DOCK10: variants seen among roughly 807,000 people sequenced by gnomAD.
The protein encoded by DOCK10 is dedicator of cytokinesis 10, also known as dedicator of cytokinesis protein 10.
A neutral mutation model predicts 280.1 loss-of-function variants in DOCK10; 145 were observed. The observed-to-expected ratio is 0.52, with a 90% CI of 0.45 to 0.59. The LOEUF is 0.59. Ranked by LOEUF, DOCK10 falls within the 20% of genes least tolerant of loss-of-function variation. The pLI is 0.00. For synonymous variants in DOCK10, 915 were observed against 942.2 expected (o/e 0.97, Z 0.53); for missense variants, 2,368 against 2,651.7 (o/e 0.89, Z 2.35).
Position 224,853,059 on chromosome 2 carries a change from G to A in DOCK10, c.1952C>T (p.Thr651Ile), listed in dbSNP as rs139212152. ...GTAAACAAATTCTTCCACCTCCACT[G>A]TGGGTTCTGTTTGAGCCATCATGTT... Reference protein sequence around the residue: ...PFNMMAQTEPTVEVEEFVYDS... With the variant: ...PFNMMAQTEPIVEVEEFVYDS... The change falls in exon 17 of 56, where the codon ACA becomes ATA. Residue 651 changes from threonine to isoleucine, a missense_variant. Physicochemically the swap from Thr to Ile is moderately conservative, Grantham distance 89. Around this residue, in one of 2 missense-constraint regions of DOCK10, gnomAD observed 1,209 missense variants for 1,250.9 expected, o/e 0.97. Transcript: ENST00000258390. The A allele has an allele frequency of 3.7e-6, 6 of 1,610,898 alleles. No homozygotes were observed. The African/African-American group carries it at 6.7e-5, about 18-fold the overall frequency.
intron 1 of DOCK10, among the ~76,000 whole-genome samples, chr2:224,973,400 C>A (rs1575135891): frequency 6.6e-6 from 1 of 152,080 alleles, no homozygotes; most frequent in East Asian, 1.9e-4. Context: ...TCACAGGGGT[C>A]CTTACGAGTG....
intron 3 of DOCK10, among the ~76,000 whole-genome samples, chr2:224,912,872 A>G (rs12995931): frequency 0.24 from 36,877 of 151,930 alleles, 5,042 homozygotes; most frequent in South Asian, 0.33. Context: ...CTAAAAATAC[A>G]AAAGTTAGCC....
At chr2:224,887,718 C>T (rs1261940328) in intron 4 of DOCK10, among the ~76,000 whole-genome samples, 1 of 152,136 alleles carries the variant, frequency 6.6e-6, no homozygotes, top group Non-Finnish European at 1.5e-5. Flanking sequence ...GGGAGGGATA[C>T]ATGTAGATAG....
chr2:225,024,905 A>G (rs1218623986), intron 1 of DOCK10, among the ~76,000 whole-genome samples: 1 of 151,900 alleles, frequency 6.6e-6, no homozygotes, highest in Non-Finnish European at 1.5e-5. Flanking sequence ...AAAAAAAAGA[A>G]AAAGAAAAAA....
chr2:224,837,233 G>A lies in DOCK10; in HGVS notation c.2850+529C>T, dbSNP rs368393586. On this transcript the variant is annotated intron_variant, in intron 25 of 55. Coordinates refer to ENST00000258390, the MANE Select transcript of DOCK10 (RefSeq NM_014689.3). ...AAGCGTCTCTGAGTGAACACTTGACGTAGGACACTGGAAGAAGCAGTGCAC... is the reference window on the plus strand; with the variant it reads ...AAGCGTCTCTGAGTGAACACTTGACATAGGACACTGGAAGAAGCAGTGCAC... 7.2e-5 allele frequency among the ~76,000 whole-genome samples: 11 copies of A among 152,326 alleles called. No homozygotes were observed. The South Asian group carries it at 1.0e-3, about 14-fold the overall frequency.
intron 1 of DOCK10, among the ~76,000 whole-genome samples, chr2:224,999,709 G>GGT (rs1372879226): frequency 1.2e-5 from 1 of 86,212 alleles, no homozygotes; most frequent in Non-Finnish European, 2.4e-5. Context: ...ACACTATAAT[G>GGT]GTGTTTTTTT....
At chr2:224,875,800 A>C (rs1460419863) in intron 8 of DOCK10, among the ~76,000 whole-genome samples, 1 of 152,198 alleles carries the variant, frequency 6.6e-6, no homozygotes, top group African/African-American at 2.4e-5. Context: ...AATGATTCCC[A>C]ACATCATTTG....
At chr2:224,843,833 T>C (rs1378173316) in intron 22 of DOCK10, among the ~76,000 whole-genome samples, 1 of 152,250 alleles carries the variant, frequency 6.6e-6, no homozygotes, top group Non-Finnish European at 1.5e-5. Flanking sequence ...TATACGTGTA[T>C]AGACTTTCGC....
intron 50 of DOCK10, among the ~76,000 whole-genome samples, chr2:224,784,905 C>T (rs867678837): frequency 1.3e-5 from 2 of 152,102 alleles, no homozygotes; most frequent in African/African-American, 4.8e-5. Flanking sequence ...AGGTTATTAA[C>T]GGGGTTTTTT....
intron 18 of DOCK10, 88 bp from the exon 19 acceptor site, chr2:224,849,687 C>G (rs1366348251): frequency 2.2e-6 from 2 of 899,680 alleles, no homozygotes; most frequent in African/African-American, 1.7e-5. Flanking sequence ...CAGTACCAAC[C>G]CTGGGACAAT....
intron 19 of DOCK10, 65 bp from the exon 20 acceptor site, chr2:224,845,707 A>G: frequency 6.8e-7 from 1 of 1,464,236 alleles, no homozygotes; most frequent in Non-Finnish European, 9.3e-7. Flanking sequence ...AGAGCAAGAC[A>G]AAGCATAGCT....
intron 1 of DOCK10, among the ~76,000 whole-genome samples, chr2:224,977,376 C>T (rs1216775372): frequency 1.3e-5 from 2 of 152,072 alleles, no homozygotes; most frequent in Non-Finnish European, 1.5e-5. Flanking sequence ...TCTTGTGCCA[C>T]CTCTAAACTC....
At chr2:224,830,837 G>T (rs1437446747) in intron 26 of DOCK10, among the ~76,000 whole-genome samples, 1 of 152,122 alleles carries the variant, frequency 6.6e-6, no homozygotes, top group Non-Finnish European at 1.5e-5. Context: ...TATTTGGCAT[G>T]ACTGACTAAG....
chr2:224,951,006 C>A (rs1022903500), intron 1 of DOCK10, among the ~76,000 whole-genome samples: 3 of 152,112 alleles, frequency 2.0e-5, no homozygotes, highest in Admixed American at 6.5e-5. Flanking sequence ...GATGTAGGGC[C>A]TGGCAATGTC....
chr2:224,877,972 G>A (rs1381242384), intron 7 of DOCK10, among the ~76,000 whole-genome samples: 2 of 152,118 alleles, frequency 1.3e-5, no homozygotes, highest in Non-Finnish European at 2.9e-5. Flanking sequence ...AATTGTAATA[G>A]AGCAAACCCT....
chr2:224,894,983 G>A (rs1699899852), intron 4 of DOCK10, among the ~76,000 whole-genome samples: 1 of 152,170 alleles, frequency 6.6e-6, no homozygotes, highest in East Asian at 1.9e-4. Flanking sequence ...CCTTGCCTAA[G>A]GTCCTTGGTT....
rs763594742 is a variant in DOCK10 at position 224,787,013 on chromosome 2, T to G, written c.5655+9A>C. On this transcript the variant is annotated intron_variant, in intron 50 of 55. Transcript: ENST00000258390. ...AATTTATGGGCCGTGTTATTTCTGGTGAACTTACCTGCCCATAAAATGCCA... is the reference window on the plus strand; with the variant it reads ...AATTTATGGGCCGTGTTATTTCTGGGGAACTTACCTGCCCATAAAATGCCA... 7.5e-6 allele frequency: 12 copies of G among 1,604,850 alleles called. No homozygotes were observed. In the East Asian group the frequency reaches 2.2e-4, roughly 30 times the overall value.
intron 1 of DOCK10, among the ~76,000 whole-genome samples, chr2:225,002,630 C>T (rs549992262): frequency 7.2e-5 from 11 of 152,322 alleles, no homozygotes; most frequent in Non-Finnish European, 1.2e-4. Context: ...ACAATGGCCA[C>T]GCCATGCCAC....
chr2:225,014,482 TTAG>T (rs1689537999), intron 1 of DOCK10, among the ~76,000 whole-genome samples: 1 of 152,218 alleles, frequency 6.6e-6, no homozygotes, highest in East Asian at 1.9e-4. Context: ...TTGGATGAGA[TTAG>T]TCATCTTACA....
Sources: gnomAD v4.1 joint callset for allele counts (sites outside exome capture counted in the v4.1 genomes callset) on GRCh38, gnomAD v4.1.1 for gene constraint, gnomAD v4.1.1 regional missense constraint, MANE v1.5 for transcripts, NCBI Gene and HGNC (gene_info 2026-07-23, HGNC 2026-07-21) for gene names.